Variants in CNTN1 observed in about 807,000 individuals in gnomAD.
CNTN1 encodes the protein contactin-1.
CNTN1 carries 38 observed loss-of-function variants against 126.4 expected under a neutral mutation model. That is an observed-to-expected ratio of 0.30 (90% CI 0.23 to 0.39). The LOEUF is 0.39. Ranked by LOEUF, CNTN1 falls within the 10% of genes least tolerant of loss-of-function variation. The pLI is 1.00. For missense variants in CNTN1, 1,009 were observed against 1,248.4 expected, an observed-to-expected ratio of 0.81 and a Z score of 2.89; for synonymous variants, 413 against 422.6, an observed-to-expected ratio of 0.98 and a Z score of 0.28.
intron 17 of CNTN1, among the ~76,000 whole-genome samples, chr12:41,011,342 A>AT (rs999697762): frequency 3.3e-5 from 5 of 152,252 alleles, no homozygotes; most frequent in Admixed American, 3.3e-4. Context: ...AAAATGAGCC[A>AT]TTTTTTCTTC....
chr12:40,932,643 T>C (rs1364324759), intron 7 of CNTN1, among the ~76,000 whole-genome samples: 2 of 151,966 alleles, frequency 1.3e-5, no homozygotes, highest in East Asian at 1.9e-4. Context: ...TGTCGTAATA[T>C]GGTGTTTGCT....
intron 1 of CNTN1, among the ~76,000 whole-genome samples, chr12:40,869,958 G>A (rs902675763): frequency 5.9e-5 from 9 of 152,120 alleles, no homozygotes; most frequent in South Asian, 2.1e-4. Flanking sequence ...GTTGTGGGAG[G>A]AACCTGGTGG....
intron 23 of CNTN1, among the ~76,000 whole-genome samples, chr12:41,043,929 C>A (rs1316508052): frequency 1.5e-5 from 2 of 136,702 alleles, no homozygotes; most frequent in Admixed American, 1.6e-4. Context: ...TGTTCTCACT[C>A]ATAGGTGGGA....
At chr12:40,885,096 T>C (rs1055250275) in intron 1 of CNTN1, among the ~76,000 whole-genome samples, 3 of 151,802 alleles carry the variant, frequency 2.0e-5, no homozygotes, top group Non-Finnish European at 4.4e-5. Context: ...CTTTACCTGT[T>C]AGCACTTTCA....
At chr12:40,693,409 C>T (rs899825764) in intron 1 of CNTN1, among the ~76,000 whole-genome samples, 5 of 152,296 alleles carry the variant, frequency 3.3e-5, no homozygotes, top group Admixed American at 3.3e-4. Flanking sequence ...AGGCTGCCTC[C>T]CTAGGTGACC....
chr12:40,969,397 G>T (rs1947419086), intron 15 of CNTN1, among the ~76,000 whole-genome samples: 1 of 152,000 alleles, frequency 6.6e-6, no homozygotes, highest in African/African-American at 2.4e-5. Flanking sequence ...GTCACTACTG[G>T]GATTAAATGA....
rs796786171 is a variant in CNTN1, at chr12:40,872,812, G to A, written c.-76-35545G>A. ...CCTGACCTTGTGATCCACCCACCTC[G>A]GCCTCCCAAAATGCCGGGATTACAG... On this transcript the variant is annotated intron_variant, in intron 1 of 23. Transcript: ENST00000551295. Among the ~76,000 whole-genome samples the A allele has an allele frequency of 5.9e-5, 9 of 151,824 alleles. No individual in the cohort carries two copies. The South Asian group carries it at 1.2e-3, about 21-fold the overall frequency.
intron 1 of CNTN1, among the ~76,000 whole-genome samples, chr12:40,850,316 G>A (rs1942671370): frequency 6.6e-6 from 1 of 151,950 alleles, no homozygotes; most frequent in Non-Finnish European, 1.5e-5. Context: ...TATAGACTAG[G>A]CCACAGTTAT....
chr12:40,955,985 G>A (rs977180795), intron 14 of CNTN1, among the ~76,000 whole-genome samples: 27 of 152,080 alleles, frequency 1.8e-4, no homozygotes, highest in African/African-American at 6.5e-4. Flanking sequence ...GTTAGGTGCA[G>A]GGGTAATCTG....
intron 1 of CNTN1, among the ~76,000 whole-genome samples, chr12:40,701,961 C>T (rs1941606325): frequency 6.6e-6 from 1 of 152,196 alleles, no homozygotes; most frequent in Admixed American, 6.5e-5. Flanking sequence ...CACCCAGGTA[C>T]CCCGCTTCCA....
At chr12:40,732,707 T>C (rs1268770092) in intron 1 of CNTN1, among the ~76,000 whole-genome samples, 5 of 152,090 alleles carry the variant, frequency 3.3e-5, no homozygotes. Flanking sequence ...GAAGTGTTAA[T>C]GATTTGCCTA....
intron 4 of CNTN1, among the ~76,000 whole-genome samples, chr12:40,920,803 T>C (rs1433674298): frequency 6.6e-6 from 1 of 152,086 alleles, no homozygotes; most frequent in Non-Finnish European, 1.5e-5. Flanking sequence ...AATAAAAAAG[T>C]ATTAAAAGGG....
chr12:40,747,350 A>G (rs945012923), intron 1 of CNTN1, among the ~76,000 whole-genome samples: 2 of 141,570 alleles, frequency 1.4e-5, no homozygotes, highest in African/African-American at 5.4e-5. Flanking sequence ...TATTTTAGAT[A>G]AGGTGGTCAG....
At chr12:40,926,171 G>GGATAGATA (rs56862813) in intron 6 of CNTN1, among the ~76,000 whole-genome samples, 43,641 of 137,256 alleles carry the variant, frequency 0.32, 7,110 homozygotes, top group East Asian at 0.38. Context: ...TGCTAAATAA[G>GGATAGATA]GATAGATAGA....
At chr12:40,788,515 T>C (rs1355219852) in intron 1 of CNTN1, among the ~76,000 whole-genome samples, 1 of 152,064 alleles carries the variant, frequency 6.6e-6, no homozygotes, top group Non-Finnish European at 1.5e-5. Context: ...CCTGATAGCC[T>C]TTCCTGCCAG....
chr12:40,933,207 T>A (rs975811417), intron 7 of CNTN1, among the ~76,000 whole-genome samples: 1 of 151,738 alleles, frequency 6.6e-6, no homozygotes, highest in Admixed American at 6.6e-5. Flanking sequence ...AAAGACAGGA[T>A]TTTTTTTAGT....
chr12:41,037,327 G>A (rs889578488), intron 23 of CNTN1, among the ~76,000 whole-genome samples: 5 of 152,122 alleles, frequency 3.3e-5, no homozygotes, highest in Admixed American at 1.3e-4. Flanking sequence ...ATATAAGATG[G>A]TGGTCCCATA....
intron 23 of CNTN1, among the ~76,000 whole-genome samples, chr12:41,058,692 G>A (rs753595783): frequency 6.6e-6 from 1 of 151,974 alleles, no homozygotes; most frequent in Non-Finnish European, 1.5e-5. Context: ...AGAAAAGAAG[G>A]AAGTCTGAAA....
intron 22 of CNTN1, among the ~76,000 whole-genome samples, chr12:41,028,548 G>A (rs1033089407): frequency 3.3e-5 from 5 of 152,158 alleles, no homozygotes; most frequent in African/African-American, 1.2e-4. Flanking sequence ...CAATGATTAT[G>A]ATAGGGTTGC....
Sources: gnomAD v4.1 joint callset for allele counts (sites outside exome capture counted in the v4.1 genomes callset) on GRCh38, gnomAD v4.1.1 for gene constraint, MANE v1.5 for transcripts, NCBI Gene and HGNC (gene_info 2026-07-23, HGNC 2026-07-21) for gene names.